Variants in CDH13 observed in about 807,000 individuals in gnomAD.
CDH13 encodes cadherin-13.
CDH13 carries 24 observed loss-of-function variants against 63.8 expected under a neutral mutation model. The observed-to-expected ratio is 0.38, with a 90% CI of 0.27 to 0.53. The LOEUF (loss-of-function observed/expected upper bound fraction) is 0.53. CDH13 is among the 20% of genes least tolerant of loss of function. The pLI is 0.85. For synonymous variants in CDH13, 503 were observed against 355.3 expected (o/e 1.42, Z -4.67); for missense variants, 1,049 against 903.1 (o/e 1.16, Z -2.07).
At chr16:83,553,138 T>C (rs2075540360) in intron 7 of CDH13, among the ~76,000 whole-genome samples, 2 of 152,206 alleles carry the variant, frequency 1.3e-5, no homozygotes, top group Non-Finnish European at 2.9e-5. Flanking sequence ...GAAGCATTTA[T>C]TACAGCTGTT....
At chr16:83,606,182 C>A (rs1225538692) in intron 8 of CDH13, among the ~76,000 whole-genome samples, 1 of 152,126 alleles carries the variant, frequency 6.6e-6, no homozygotes, top group African/African-American at 2.4e-5. Context: ...TTGAGGATGT[C>A]CAGAAAGCTC....
chr16:83,247,956 C>T (rs896675836), intron 5 of CDH13, among the ~76,000 whole-genome samples: 4 of 152,130 alleles, frequency 2.6e-5, no homozygotes, highest in South Asian at 2.1e-4. Context: ...TGTTTCTGCA[C>T]GCTCCATTTC....
chr16:83,549,281 C>G lies in CDH13; in HGVS notation c.961-53173C>G, dbSNP rs576779524. ...AAACATCCCACTCTCCAGGTCACCT[C>G]TCTGTGCTTCACCCCACCTCTCATT... is the stretch of plus-strand genomic sequence containing the variant. On this transcript the variant is annotated intron_variant, in intron 7 of 13. Coordinates refer to ENST00000567109, the MANE Select transcript of CDH13 (RefSeq NM_001257.5). Among the ~76,000 whole-genome samples the G allele has an allele frequency of 2.0e-5, 3 of 152,334 alleles. No individual in the cohort carries two copies. In the South Asian group the frequency reaches 6.2e-4, roughly 32 times the overall value.
At chr16:82,725,266 T>A (rs1025931539) in intron 1 of CDH13, among the ~76,000 whole-genome samples, 7 of 152,196 alleles carry the variant, frequency 4.6e-5, no homozygotes, top group African/African-American at 2.4e-5. Flanking sequence ...TACTCGTTAT[T>A]GTCTCTCAAG....
chr16:83,371,592 C>G (rs1240560066), intron 6 of CDH13, among the ~76,000 whole-genome samples: 1 of 152,102 alleles, frequency 6.6e-6, no homozygotes, highest in Non-Finnish European at 1.5e-5. Context: ...ATACCTGGTA[C>G]GTTTCCATAA....
At chr16:83,744,440 G>A (rs1013913584) in intron 10 of CDH13, among the ~76,000 whole-genome samples, 26 of 152,184 alleles carry the variant, frequency 1.7e-4, no homozygotes, top group African/African-American at 6.0e-4. Flanking sequence ...GTAATTCATC[G>A]CTTCTGTTTT....
At chr16:83,282,615 A>G (rs2089207908) in intron 5 of CDH13, among the ~76,000 whole-genome samples, 1 of 152,248 alleles carries the variant, frequency 6.6e-6, no homozygotes, top group Admixed American at 6.5e-5. Flanking sequence ...TACATGCCAG[A>G]CAGTTACTGT....
At chr16:82,805,512 T>C (rs901519769) in intron 1 of CDH13, among the ~76,000 whole-genome samples, 6 of 151,876 alleles carry the variant, frequency 4.0e-5, no homozygotes, top group African/African-American at 1.5e-4. Flanking sequence ...CCAAAATGAG[T>C]TCGGGGGCCT....
intron 2 of CDH13, among the ~76,000 whole-genome samples, chr16:82,897,799 T>C (rs761412344): frequency 2.1e-4 from 32 of 152,254 alleles, no homozygotes; most frequent in Non-Finnish European, 4.0e-4. Flanking sequence ...TTAGGCCAGG[T>C]AACTAAGATG....
At chr16:83,426,340 G>C (rs1157366110) in intron 6 of CDH13, among the ~76,000 whole-genome samples, 1 of 152,062 alleles carries the variant, frequency 6.6e-6, no homozygotes, top group Non-Finnish European at 1.5e-5. Context: ...TTCCAATAAT[G>C]TTTCTCTCCC....
At chr16:82,956,711 C>G (rs868304180) in intron 2 of CDH13, among the ~76,000 whole-genome samples, 1 of 152,236 alleles carries the variant, frequency 6.6e-6, no homozygotes, top group Non-Finnish European at 1.5e-5. Flanking sequence ...CAAACCAAAT[C>G]TCTTACTATC....
At chr16:83,230,909 T>C (rs759376211) in intron 5 of CDH13, among the ~76,000 whole-genome samples, 14 of 152,196 alleles carry the variant, frequency 9.2e-5, no homozygotes, top group Non-Finnish European at 1.0e-4. Context: ...AAAGGAAAAC[T>C]GTGAATTCTG....
intron 1 of CDH13, among the ~76,000 whole-genome samples, chr16:82,697,140 C>T (rs540262250): frequency 2.0e-5 from 3 of 152,146 alleles, no homozygotes; most frequent in South Asian, 4.1e-4. Flanking sequence ...CAGGTCCACA[C>T]TCAGAGGGAA....
chr16:83,257,942 C>A (rs1906492719), intron 5 of CDH13, among the ~76,000 whole-genome samples: 1 of 152,122 alleles, frequency 6.6e-6, no homozygotes, highest in Non-Finnish European at 1.5e-5. Context: ...TATTTTTTGA[C>A]TTTTTAATAT....
rs527876037 is a variant in CDH13 at position 83,244,840 on chromosome 16, A to C, written c.636+27343A>C. Among the ~76,000 whole-genome samples, 14 of 152,314 alleles carry C rather than the reference A, an allele frequency of 9.2e-5. No individual in the cohort carries two copies. The South Asian group carries it at 2.9e-3, about 32-fold the overall frequency. ...CTGTCTAATGAGGGAAGCTCATTAGAGACTTACTGCCCAGAGTTTTTCCTG... is the reference window on the plus strand; with the variant it reads ...CTGTCTAATGAGGGAAGCTCATTAGCGACTTACTGCCCAGAGTTTTTCCTG... On this transcript the variant is annotated intron_variant, in intron 5 of 13. Transcript: ENST00000567109.
intron 5 of CDH13, among the ~76,000 whole-genome samples, chr16:83,258,520 C>T (rs1370970788): frequency 6.6e-6 from 1 of 152,164 alleles, no homozygotes; most frequent in South Asian, 2.1e-4. Flanking sequence ...GGAAGGCACT[C>T]TGTGAAAGAT....
At chr16:83,208,528 T>A (rs2039246105) in intron 4 of CDH13, among the ~76,000 whole-genome samples, 1 of 152,188 alleles carries the variant, frequency 6.6e-6, no homozygotes, top group Non-Finnish European at 1.5e-5. Flanking sequence ...AGCATATGCA[T>A]GTAACTCCAA....
intron 6 of CDH13, among the ~76,000 whole-genome samples, chr16:83,427,586 G>A (rs180828415): frequency 2.0e-5 from 3 of 152,278 alleles, no homozygotes; most frequent in East Asian, 3.9e-4. Context: ...AGATGGTACA[G>A]TTAGTTACTG....
chr16:82,760,209 C>T (rs1043969653), intron 1 of CDH13, among the ~76,000 whole-genome samples: 1 of 152,128 alleles, frequency 6.6e-6, no homozygotes, highest in Non-Finnish European at 1.5e-5. Flanking sequence ...ACATAAGCAC[C>T]CGGCTCATTG....
Sources: gnomAD v4.1 joint callset for allele counts (sites outside exome capture counted in the v4.1 genomes callset) on GRCh38, gnomAD v4.1.1 for gene constraint, MANE v1.5 for transcripts, NCBI Gene and HGNC (gene_info 2026-07-23, HGNC 2026-07-21) for gene names.